The following FERMT2 variants were observed in gnomAD, a reference collection of about 807,000 sequenced individuals.
The protein encoded by FERMT2 is FERM domain containing kindlin 2.
In FERMT2, 15 loss-of-function variants were observed where a neutral mutation model predicts 82.7. That is an observed-to-expected ratio of 0.18 (90% CI 0.12 to 0.28). The LOEUF (loss-of-function observed/expected upper bound fraction) is 0.28. FERMT2 is among the 10% of genes least tolerant of loss of function. The probability of loss-of-function intolerance (pLI) is 1.00; values close to 1 mark genes in which losing one functional copy is unlikely to be tolerated. For synonymous variants in FERMT2, 274 were observed against 271.5 expected, an observed-to-expected ratio of 1.01 and a Z score of -0.09; for missense variants, 645 against 809.4, an observed-to-expected ratio of 0.80 and a Z score of 2.46.
intron 3 of FERMT2, among the ~76,000 whole-genome samples, chr14:52,899,461 T>C (rs1022133380): frequency 6.6e-6 from 1 of 152,134 alleles, no homozygotes; most frequent in Non-Finnish European, 1.5e-5. Context: ...TTTTTGTATT[T>C]TTAGTAGAGA....
chr14:52,885,772 AAAGT>A (rs1002858054), intron 4 of FERMT2, among the ~76,000 whole-genome samples: 1 of 152,184 alleles, frequency 6.6e-6, no homozygotes, highest in Admixed American at 6.5e-5. Context: ...AAAGAGTACT[AAAGT>A]AATACATTTT....
intron 3 of FERMT2, among the ~76,000 whole-genome samples, chr14:52,900,655 G>A (rs2139574550): frequency 6.6e-6 from 1 of 152,216 alleles, no homozygotes; most frequent in South Asian, 2.1e-4. Context: ...GTTTGTAGAA[G>A]GAGGTACCAA....
intron 3 of FERMT2, among the ~76,000 whole-genome samples, chr14:52,917,903 G>A (rs12892879): frequency 0.54 from 82,376 of 152,138 alleles, 23,115 homozygotes; most frequent in East Asian, 0.74. Context: ...CTGTCCACAG[G>A]TCAGTGCTTG....
At chr14:52,879,562 TA>T (rs1237489272) in intron 6 of FERMT2, among the ~76,000 whole-genome samples, 1 of 152,182 alleles carries the variant, frequency 6.6e-6, no homozygotes, top group African/African-American at 2.4e-5. Flanking sequence ...CAAATGTAAC[TA>T]TTCCCAAAGT....
intron 2 of FERMT2, among the ~76,000 whole-genome samples, chr14:52,935,352 T>C (rs971546102): frequency 1.3e-5 from 2 of 152,212 alleles, no homozygotes; most frequent in African/African-American, 2.4e-5. Context: ...TGTCAAATTA[T>C]GGGAAACTGC....
chr14:52,876,848 T>C (rs1021295393), intron 7 of FERMT2, among the ~76,000 whole-genome samples: 2 of 152,214 alleles, frequency 1.3e-5, no homozygotes, highest in Non-Finnish European at 2.9e-5. Context: ...CTGGTACTAG[T>C]TGGCTTCCTA....
chr14:52,880,741 T>G (rs1886246206), intron 6 of FERMT2, among the ~76,000 whole-genome samples: 1 of 151,862 alleles, frequency 6.6e-6, no homozygotes, highest in African/African-American at 2.4e-5. Context: ...ACCTTTAAAA[T>G]ACAAATCATG....
intron 2 of FERMT2, among the ~76,000 whole-genome samples, chr14:52,924,738 A>G (rs1294539276): frequency 6.6e-6 from 1 of 152,202 alleles, no homozygotes; most frequent in East Asian, 1.9e-4. Context: ...ATAGCGATCA[A>G]TAGATAGAAT....
At chr14:52,905,625 G>C (rs1187218217) in intron 3 of FERMT2, among the ~76,000 whole-genome samples, 1 of 152,150 alleles carries the variant, frequency 6.6e-6, no homozygotes, top group Non-Finnish European at 1.5e-5. Flanking sequence ...ACATTTCGAG[G>C]TGATGAGATG....
intron 10 of FERMT2, among the ~76,000 whole-genome samples, chr14:52,867,098 C>CTTTT (rs541511056): frequency 7.1e-6 from 1 of 141,200 alleles, no homozygotes; most frequent in African/African-American, 2.6e-5. Context: ...GCTTTGCCTC[C>CTTTT]TTTTTTTTTT....
At chr14:52,869,661 CTAT>C in intron 10 of FERMT2, among the ~76,000 whole-genome samples, 1 of 152,244 alleles carries the variant, frequency 6.6e-6, no homozygotes, top group South Asian at 2.1e-4. Flanking sequence ...TGATAAATGA[CTAT>C]GTTACTGGTT....
At chr14:52,884,903 G>A (rs1018550490) in intron 4 of FERMT2, among the ~76,000 whole-genome samples, 11 of 152,116 alleles carry the variant, frequency 7.2e-5, no homozygotes, top group African/African-American at 2.4e-4. Flanking sequence ...TTGGGAGGCT[G>A]AGACAGGAGA....
At chr14:52,867,713 T>A (rs1436803569) in intron 10 of FERMT2, among the ~76,000 whole-genome samples, 2 of 152,072 alleles carry the variant, frequency 1.3e-5, no homozygotes, top group African/African-American at 4.8e-5. Context: ...CACCTCAAAT[T>A]CAAAATATCC....
chr14:52,920,028 A>G (rs951277231), intron 2 of FERMT2, among the ~76,000 whole-genome samples: 3 of 152,230 alleles, frequency 2.0e-5, no homozygotes, highest in African/African-American at 7.2e-5. Context: ...TGGTACAAGT[A>G]TAACAGGAAA....
intron 3 of FERMT2, among the ~76,000 whole-genome samples, chr14:52,904,569 T>C (rs1887875798): frequency 6.6e-6 from 1 of 151,276 alleles, no homozygotes; most frequent in South Asian, 2.1e-4. Context: ...GGCATGTGCC[T>C]GTAATCCCAG....
At chr14:52,907,260 C>T (rs1160739628) in intron 3 of FERMT2, among the ~76,000 whole-genome samples, 3 of 152,084 alleles carry the variant, frequency 2.0e-5, no homozygotes, top group South Asian at 4.1e-4. Flanking sequence ...TGATCTTTGG[C>T]CTCCCAAAGT....
rs189594175 is a variant in FERMT2 at position 52,896,832 on chromosome 14, A to C, written c.392-3405T>G. On this transcript the variant is annotated intron_variant, in intron 3 of 14. Transcript: ENST00000341590. ...TAGGAAGACCTTTTCTCTACAAACA[A>C]AATTTTTTTTTAAATTAGCCAGGCA... 4.6e-5 allele frequency among the ~76,000 whole-genome samples: 7 copies of C among 151,240 alleles called. No individual in the cohort carries two copies. In the East Asian group the frequency reaches 1.2e-3, roughly 25 times the overall value.
chr14:52,945,415 T>A (rs540343744), intron 2 of FERMT2, among the ~76,000 whole-genome samples: 17 of 149,162 alleles, frequency 1.1e-4, no homozygotes, highest in African/African-American at 4.2e-4. Flanking sequence ...GCCTGGCTAA[T>A]TTTTTTTTTG....
intron 3 of FERMT2, among the ~76,000 whole-genome samples, chr14:52,897,033 CACACACA>C (rs1887314632): frequency 6.7e-6 from 1 of 149,942 alleles, no homozygotes; most frequent in Non-Finnish European, 1.5e-5. Context: ...CACACACACA[CACACACA>C]CACACACACC....
Sources: allele counts gnomAD v4.1 joint callset (sites outside exome capture counted in the v4.1 genomes callset), GRCh38; gene constraint gnomAD v4.1.1; transcripts MANE v1.5; gene names NCBI Gene and HGNC (gene_info 2026-07-23, HGNC 2026-07-21).